Variants in NOTCH2 observed in about 807,000 individuals in gnomAD.
NOTCH2 encodes neurogenic locus notch homolog protein 2.
In NOTCH2, 29 loss-of-function variants were observed where a neutral mutation model predicts 235.8. That is an observed-to-expected ratio of 0.12 (90% CI 0.09 to 0.17). NOTCH2 has a LOEUF of 0.17. NOTCH2 is among the 10% of genes least tolerant of loss of function. The pLI is 1.00. For missense variants in NOTCH2, 2,285 were observed against 3,150.2 expected (o/e 0.73, Z 6.57); for synonymous variants, 1,086 against 1,141.5 (o/e 0.95, Z 0.98).
At chr1:120,062,900 C>T (rs1221719653) in intron 1 of NOTCH2, among the ~76,000 whole-genome samples, 2 of 152,176 alleles carry the variant, frequency 1.3e-5, no homozygotes, top group Non-Finnish European at 2.9e-5. Flanking sequence ...CAAGCTATGG[C>T]TTTATCATCC....
intron 13 of NOTCH2, among the ~76,000 whole-genome samples, chr1:119,954,505 C>T (rs1553198182): frequency 1.3e-5 from 2 of 152,170 alleles, no homozygotes; most frequent in African/African-American, 4.8e-5. Flanking sequence ...AAGAGCGTCT[C>T]GTGAGACCTA....
intron 5 of NOTCH2, among the ~76,000 whole-genome samples, chr1:119,980,907 T>C (rs1553201571): frequency 6.6e-6 from 1 of 152,140 alleles, no homozygotes; most frequent in African/African-American, 2.4e-5. Context: ...TCTTCCCACC[T>C]CTCAAACCTC....
In NOTCH2 at chr1:119,987,075, T is replaced by C; in HGVS notation, c.759A>G (p.Glu253=). The change falls in exon 5 of 34, where the codon GAA becomes GAG. Residue 253 remains glutamate, a synonymous_variant. Coordinates refer to ENST00000256646, the MANE Select transcript of NOTCH2 (RefSeq NM_024408.4). ...CAATATTCCTCTCACAGGTGCTCCC[T>C]TCAAAACCTGGTAAATGAAGAACAA... ...TFECNCLPGF[E]GSTCERNIDD... 6.2e-7 allele frequency: 1 copy of C among 1,613,544 alleles called. No homozygotes were observed. Among genetic ancestry groups the C allele is most frequent in the Non-Finnish European group, 8.5e-7 (1 of 1,179,606 alleles).
In NOTCH2 at chr1:119,913,177, A is replaced by C; in HGVS notation, c.*2129T>G. 1 of 233,224 alleles carries C rather than the reference A, an allele frequency of 4.3e-6. No homozygotes were observed. Among genetic ancestry groups the C allele is most frequent in the East Asian group, 6.0e-5 (1 of 16,604 alleles). 14.4% of individuals were successfully genotyped at this position (233,224 alleles called of 1,614,324 possible). A position where few individuals can be genotyped will look rare whatever the true frequency, so the allele number is the denominator to read the frequency against. Reference sequence around the variant, plus strand: ...AATGATAAAATGTTTGCACACTATGAAAGAGGCTGACAGAATGTTGCCACA... The same window carrying C: ...AATGATAAAATGTTTGCACACTATGCAAGAGGCTGACAGAATGTTGCCACA... On this transcript the variant is annotated 3_prime_UTR_variant, in exon 34 of 34. Transcript: ENST00000256646.
Position 119,912,207 on chromosome 1 carries a change from T to C in NOTCH2, c.*3099A>G, listed in dbSNP as rs1047868937. The C allele has an allele frequency of 8.6e-6, 2 of 233,330 alleles. No homozygotes were observed. Among genetic ancestry groups the C allele is most frequent in the African/African-American group, 4.4e-5 (2 of 45,350 alleles). The allele number at this position is 233,330 out of a possible 1,614,324, so 14.5% of individuals were successfully genotyped here. On this transcript the variant is annotated 3_prime_UTR_variant, in exon 34 of 34. Transcript: ENST00000256646. ...AATATGCGGTCATTTTATTGGTTAC[T>C]GGGTTTCTCATACAAACAGATATAA... is the stretch of plus-strand genomic sequence containing the variant.
At chr1:120,001,167 C>A (rs1411341528) in intron 3 of NOTCH2, among the ~76,000 whole-genome samples, 1 of 152,132 alleles carries the variant, frequency 6.6e-6, no homozygotes, top group African/African-American at 2.4e-5. Context: ...AACTGTAAGT[C>A]CAATTAAACC....
chr1:119,956,523 A>G (rs1650708449), intron 12 of NOTCH2, among the ~76,000 whole-genome samples: 1 of 152,186 alleles, frequency 6.6e-6, no homozygotes, highest in Admixed American at 6.5e-5. Flanking sequence ...AAAACCCATA[A>G]TCTGGAAGTG....
intron 5 of NOTCH2, among the ~76,000 whole-genome samples, chr1:119,981,826 A>G (rs1651824471): frequency 6.6e-6 from 1 of 152,164 alleles, no homozygotes. Context: ...AAAAATTGAA[A>G]TGTGAGACAT....
At position 119,915,462 on chromosome 1, in the gene NOTCH2, C is replaced by T. The variant is rs1280273504; in HGVS notation, c.7260G>A (p.Glu2420=). Residue 2420 remains glutamate, a synonymous_variant, in exon 34 of 34, where the codon GAG becomes GAA. Transcript: ENST00000256646. The stretch of plus-strand genomic sequence containing the variant: ...ATGAACTTGACCACTGGTCAGGAGA[C>T]TCTGGGGATGGTGTCAGGTAGGGAT... ...GEHPYLTPSP[E]SPDQWSSSSP... 1 of 1,614,050 alleles carries T rather than the reference C, an allele frequency of 6.2e-7. No individual in the cohort carries two copies. The highest frequency in any genetic ancestry group is 2.2e-5 in the East Asian group (1 of 44,892).
rs587743026 is a variant in NOTCH2 at position 119,923,718 on chromosome 1, T to C, written c.4778A>G (p.Tyr1593Cys). 8 of 1,614,200 alleles carry C rather than the reference T, an allele frequency of 5.0e-6. No individual in the cohort carries two copies. The highest frequency in any genetic ancestry group is 1.3e-5 in the African/African-American group (1 of 75,038). Residue 1593 changes from tyrosine to cysteine, a missense_variant, in exon 26 of 34, where the codon TAT becomes TGT. Around this residue, in one of 6 missense-constraint regions of NOTCH2, gnomAD observed 1,173 missense variants for 1,515.3 expected, o/e 0.77. Coordinates refer to ENST00000256646, the MANE Select transcript of NOTCH2 (RefSeq NM_024408.4). ...CTTCATAGCAGCTGACTTCTCACCA[T>C]AATAGGGGTACACCATGAGTTCCCC... ...SQGELMVYPY[Y>C]GEKSAAMKKQ...
Position 119,925,618 on chromosome 1 carries a change from A to AG in NOTCH2, c.4197dup (p.Cys1400LeufsTer10). The AG allele has an allele frequency of 6.2e-7, 1 of 1,613,814 alleles. No homozygotes were observed. Among genetic ancestry groups the AG allele is most frequent in the Non-Finnish European group, 8.5e-7 (1 of 1,179,808 alleles). On this transcript the variant is annotated frameshift_variant, in exon 25 of 34. Coordinates refer to ENST00000256646, the MANE Select transcript of NOTCH2 (RefSeq NM_024408.4). LOFTEE classifies it high-confidence loss of function. ...CCCGAGAATGGTGGGGCACACTGGC[A>AG]GGAGTAATAAGGAGGCTGGCGCTGA...
At chr1:119,924,921 T>C (rs1187111943) in intron 25 of NOTCH2, among the ~76,000 whole-genome samples, 1 of 152,180 alleles carries the variant, frequency 6.6e-6, no homozygotes, top group Non-Finnish European at 1.5e-5. Flanking sequence ...CTGATAAATC[T>C]AGATGGGGAA....
At chr1:119,978,208 G>T (rs921000260) in intron 5 of NOTCH2, among the ~76,000 whole-genome samples, 3 of 151,854 alleles carry the variant, frequency 2.0e-5, no homozygotes, top group Non-Finnish European at 4.4e-5. Context: ...GAAAGCATAG[G>T]CTTGAGTTGA....
chr1:119,925,660 C>T lies in NOTCH2; in HGVS notation c.4156G>A (p.Gly1386Arg), dbSNP rs74522665. The T allele has an allele frequency of 1.1e-5, 17 of 1,612,618 alleles. No individual in the cohort carries two copies. The highest frequency in any genetic ancestry group is 1.7e-4 in the Middle Eastern group (1 of 6,056). The change falls in exon 25 of 34, where the codon GGG (glycine) becomes AGG (arginine). Residue 1386 changes from glycine to arginine, a missense_variant. By Grantham distance (125) the Gly-to-Arg change is moderately radical. This residue lies in a region of NOTCH2 where 1,173 missense variants were observed against 1,515.3 expected (regional missense o/e 0.77). Transcript: ENST00000256646. Reference sequence around the variant, plus strand: ...TGGCGCTGAGGGTGGCAGCTGCCCCCGTGCTGGCAGGGGCTACTGGCACAG... The same window carrying T: ...TGGCGCTGAGGGTGGCAGCTGCCCCTGTGCTGGCAGGGGCTACTGGCACAG... ...SGCASSPCQHGGSCHPQRQPP... is the reference protein window; with the variant it reads ...SGCASSPCQHRGSCHPQRQPP...
intron 2 of NOTCH2, among the ~76,000 whole-genome samples, chr1:120,023,070 A>G (rs1305628163): frequency 6.6e-6 from 1 of 151,872 alleles, no homozygotes; most frequent in Non-Finnish European, 1.5e-5. Flanking sequence ...CTAGCATTAT[A>G]GACTTTAACT....
In NOTCH2 at chr1:119,923,933, C is replaced by G; in HGVS notation, c.4563G>C (p.Gly1521=). 1 of 1,614,198 alleles carries G rather than the reference C, an allele frequency of 6.2e-7. No homozygotes were observed. The highest frequency in any genetic ancestry group is 8.5e-7 in the Non-Finnish European group (1 of 1,180,032). ...CCCAACCACACTCCTCACTGTTGCA[C>G]CCCTGGTCACAGTGGTTGTCTTTGA... ...DHFKDNHCDQ[G]CNSEECGWDG... Residue 1521 remains glycine, a synonymous_variant, in exon 26 of 34, where the codon GGG becomes GGC. Coordinates refer to ENST00000256646, the MANE Select transcript of NOTCH2 (RefSeq NM_024408.4).
chr1:119,959,579 C>A (rs587653703), intron 11 of NOTCH2, 77 bp from the exon 12 acceptor site: 11 of 830,162 alleles, frequency 1.3e-5, no homozygotes, highest in African/African-American at 6.7e-5. Flanking sequence ...GATGCAGCAA[C>A]GTGGTAAGAA....
intron 2 of NOTCH2, among the ~76,000 whole-genome samples, chr1:120,015,175 C>A (rs587683446): frequency 6.6e-6 from 1 of 152,284 alleles, no homozygotes; most frequent in South Asian, 2.1e-4. Flanking sequence ...AAAAAAGTCT[C>A]ATGTGGGTTG....
intron 8 of NOTCH2, among the ~76,000 whole-genome samples, chr1:119,966,842 T>C (rs1395504716): frequency 5.9e-5 from 9 of 152,242 alleles, no homozygotes; most frequent in African/African-American, 2.2e-4. Context: ...CAAGCTGAGC[T>C]GGAGCTGTTG....
Sources: gnomAD v4.1 joint callset for allele counts (sites outside exome capture counted in the v4.1 genomes callset) on GRCh38, gnomAD v4.1.1 for gene constraint, gnomAD v4.1.1 regional missense constraint, MANE v1.5 for transcripts, NCBI Gene and HGNC (gene_info 2026-07-23, HGNC 2026-07-21) for gene names.